TTC3: variants seen among roughly 807,000 people sequenced by gnomAD.
TTC3 encodes E3 ubiquitin-protein ligase TTC3.
TTC3 carries 180 observed loss-of-function variants against 249.6 expected under a neutral mutation model. The ratio of observed to expected loss-of-function variants is 0.72; its 90% CI spans 0.64 to 0.82. The LOEUF (loss-of-function observed/expected upper bound fraction) is 0.82, where lower values mean the gene tolerates loss of function less well. TTC3 is among the 40% of genes least tolerant of loss of function. TTC3 has a pLI of 0.00. For synonymous variants in TTC3, 717 were observed against 805.0 expected, an observed-to-expected ratio of 0.89 and a Z score of 1.85; for missense variants, 2,061 against 2,398.4, an observed-to-expected ratio of 0.86 and a Z score of 2.94.
intron 32 of TTC3, 64 bp downstream of exon 32, chr21:37,164,279 G>A (rs2081049732): frequency 7.3e-7 from 1 of 1,373,390 alleles, no homozygotes; most frequent in Non-Finnish European, 9.6e-7. Context: ...AAGATCAGAA[G>A]TTGTTTAATT....
intron 10 of TTC3, chr21:37,097,820 G>T: frequency 1.8e-6 from 1 of 561,426 alleles, no homozygotes; most frequent in Admixed American, 3.4e-5. Context: ...CAGTGAAAGC[G>T]CTTGTATGGG....
At chr21:37,135,550 T>C (rs369832704) in intron 18 of TTC3, 36 bp downstream of exon 18, 285 of 1,600,310 alleles carry the variant, frequency 1.8e-4, no homozygotes, top group Non-Finnish European at 2.3e-4. Context: ...TTATCAATGC[T>C]AATGCACCTC....
chr21:37,119,505 C>G (rs1439961295), intron 11 of TTC3, among the ~76,000 whole-genome samples: 1 of 152,126 alleles, frequency 6.6e-6, no homozygotes, highest in Non-Finnish European at 1.5e-5. Flanking sequence ...CTCTGGAGTT[C>G]TCCCTGTGTG....
At chr21:37,201,418 G>A (rs766331706) in intron 45 of TTC3, 22 bp from the exon 46 acceptor site, 2 of 1,613,256 alleles carry the variant, frequency 1.2e-6, no homozygotes, top group Admixed American at 3.3e-5. Context: ...GGCATCTTCT[G>A]ATTTTGTTTT....
At chr21:37,144,542 A>G (rs2078812939) in exon 21 of TTC3, 1 of 1,611,372 alleles carries the variant, frequency 6.2e-7, no homozygotes, top group Non-Finnish European at 8.5e-7. Context: ...GAAGCTCTCA[A>G]TCACTTTGAG....
Position 37,160,551 on chromosome 21 carries a change from C to G in TTC3, c.3040-251C>G, listed in dbSNP as rs565087623. Among the ~76,000 whole-genome samples, 83 of 152,196 alleles carry G rather than the reference C, an allele frequency of 5.5e-4. 1 individual carries two copies. Among genetic ancestry groups the G allele is most frequent in the African/African-American group, 1.9e-3 (79 of 41,508 alleles). On this transcript the variant is annotated intron_variant, in intron 29 of 45. Transcript: ENST00000355666. ...CTGATTAATTACTTGAAATAACAGT[C>G]CAACCCTGTGGAAAATAAGATAAAA...
chr21:37,117,433 T>C (rs1250212337), intron 11 of TTC3, among the ~76,000 whole-genome samples: 1 of 152,186 alleles, frequency 6.6e-6, no homozygotes, highest in Non-Finnish European at 1.5e-5. Context: ...AACAAAATCT[T>C]TGCTGATCCT....
intron 42 of TTC3, among the ~76,000 whole-genome samples, chr21:37,197,161 G>T (rs577160071): frequency 6.6e-6 from 1 of 152,286 alleles, no homozygotes; most frequent in South Asian, 2.1e-4. Context: ...TAAACAATGG[G>T]GCAGTTAAAA....
At chr21:37,136,755 A>G (rs764141848) in intron 18 of TTC3, among the ~76,000 whole-genome samples, 5 of 152,242 alleles carry the variant, frequency 3.3e-5, no homozygotes, top group African/African-American at 4.8e-5. Flanking sequence ...CAGATTGTCA[A>G]TGGAGACTAA....
intron 40 of TTC3, among the ~76,000 whole-genome samples, chr21:37,191,739 C>T (rs185119375): frequency 2.9e-4 from 44 of 152,208 alleles, no homozygotes; most frequent in Non-Finnish European, 4.9e-4. Flanking sequence ...CCACCATGCT[C>T]GGCTAATTTT....
intron 18 of TTC3, among the ~76,000 whole-genome samples, chr21:37,136,684 A>G (rs775745121): frequency 8.5e-5 from 13 of 152,238 alleles, no homozygotes; most frequent in Non-Finnish European, 1.6e-4. Context: ...CTGATGGAGA[A>G]GCTGCAGTAA....
exon 2 of TTC3, chr21:37,087,272 T>G: frequency 1.2e-6 from 2 of 1,614,052 alleles, no homozygotes; most frequent in Non-Finnish European, 1.7e-6. Flanking sequence ...ACAATTTTGC[T>G]GAGGGAGATT....
chr21:37,115,413 C>G (rs921616439), intron 11 of TTC3, among the ~76,000 whole-genome samples: 13 of 152,010 alleles, frequency 8.6e-5, no homozygotes, highest in African/African-American at 3.1e-4. Flanking sequence ...TAACAGGAAG[C>G]CCCAGTAAAC....
chr21:37,179,907 C>T (rs1263321428), intron 35 of TTC3, among the ~76,000 whole-genome samples: 1 of 152,196 alleles, frequency 6.6e-6, no homozygotes, highest in Non-Finnish European at 1.5e-5. Flanking sequence ...TGAAAAGCTG[C>T]ATTTAATGAA....
At chr21:37,087,334 G>C in exon 2 of TTC3, 1 of 1,614,050 alleles carries the variant, frequency 6.2e-7, no homozygotes, top group Non-Finnish European at 8.5e-7. Flanking sequence ...GTGGATGATT[G>C]TGTCTTTGCT....
intron 20 of TTC3, among the ~76,000 whole-genome samples, chr21:37,142,924 C>A (rs191833317): frequency 9.9e-5 from 15 of 152,182 alleles, no homozygotes; most frequent in Non-Finnish European, 5.9e-5. Flanking sequence ...CAGAACAGAG[C>A]CCTCAGAAAT....
intron 36 of TTC3, among the ~76,000 whole-genome samples, 192 bp from the exon 37 acceptor site, chr21:37,185,514 A>G (rs1275370010): frequency 6.6e-6 from 1 of 152,194 alleles, no homozygotes; most frequent in Non-Finnish European, 1.5e-5. Flanking sequence ...TCTGGAAGGA[A>G]AATTTCCCAA....
At chr21:37,196,101 T>C in intron 42 of TTC3, 65 bp downstream of exon 42, 4 of 1,570,708 alleles carry the variant, frequency 2.5e-6, no homozygotes, top group Non-Finnish European at 3.5e-6. Flanking sequence ...CCTGATTAGA[T>C]AAAATCATGG....
rs571843522 is a variant in TTC3 at position 37,176,363 on chromosome 21, C to A, written c.4617+3619C>A. Among the ~76,000 whole-genome samples, 166 of 152,308 alleles carry A rather than the reference C, an allele frequency of 1.1e-3. 1 individual carries two copies. Among genetic ancestry groups the A allele is most frequent in the African/African-American group, 3.6e-3 (150 of 41,564 alleles). ...AAAAAGAAACCCCATATTTATTAAT[C>A]AGTCACTCCCTATCTGCCCAGGACA... is the stretch of plus-strand genomic sequence containing the variant. On this transcript the variant is annotated intron_variant, in intron 35 of 45. Transcript: ENST00000355666.
Sources: gnomAD v4.1 joint callset for allele counts (sites outside exome capture counted in the v4.1 genomes callset) on GRCh38, gnomAD v4.1.1 for gene constraint, MANE v1.5 for transcripts, NCBI Gene and HGNC (gene_info 2026-07-23, HGNC 2026-07-21) for gene names.